Variants in FMN1 observed in about 807,000 individuals in gnomAD.
The protein encoded by FMN1 is formin 1, also known as formin-1.
A neutral mutation model predicts 132.4 loss-of-function variants in FMN1; 110 were observed. The ratio of observed to expected loss-of-function variants is 0.83; its 90% CI spans 0.71 to 0.97. The LOEUF (loss-of-function observed/expected upper bound fraction) is 0.97. Among genes scored for constraint, FMN1 ranks in the 50% least tolerant of loss-of-function variants. FMN1 has a pLI of 0.00. For synonymous variants in FMN1, 722 were observed against 651.7 expected, an observed-to-expected ratio of 1.11 and a Z score of -1.64; for missense variants, 1,792 against 1,705.3, an observed-to-expected ratio of 1.05 and a Z score of -0.90.
At chr15:32,981,895 C>G (rs1347814548) in intron 7 of FMN1, among the ~76,000 whole-genome samples, 1 of 152,028 alleles carries the variant, frequency 6.6e-6, no homozygotes, top group Non-Finnish European at 1.5e-5. Flanking sequence ...AAAAACTGAT[C>G]AATTAGACAG....
intron 6 of FMN1, among the ~76,000 whole-genome samples, chr15:33,025,409 A>G (rs1397246027): frequency 6.6e-6 from 1 of 152,170 alleles, no homozygotes; most frequent in Non-Finnish European, 1.5e-5. Flanking sequence ...TATCACTGAC[A>G]TATTTGCAAA....
chr15:32,897,443 G>A (rs1183221841), intron 15 of FMN1, among the ~76,000 whole-genome samples: 2 of 152,108 alleles, frequency 1.3e-5, no homozygotes, highest in East Asian at 1.9e-4. Context: ...GAGGAGTAAT[G>A]AGAAAAAAAG....
intron 6 of FMN1, among the ~76,000 whole-genome samples, chr15:33,033,340 C>A (rs345876): frequency 0.39 from 59,223 of 151,908 alleles, 11,902 homozygotes; most frequent in Admixed American, 0.48. Context: ...CATCTTCGCT[C>A]TTAACTGATA....
At chr15:32,912,335 G>C (rs546260869) in intron 10 of FMN1, among the ~76,000 whole-genome samples, 1 of 152,190 alleles carries the variant, frequency 6.6e-6, no homozygotes, top group South Asian at 2.1e-4. Context: ...AGAGAGGTTG[G>C]GACTGAGAAC....
chr15:32,959,515 T>A (rs2030257285), intron 9 of FMN1, among the ~76,000 whole-genome samples: 1 of 152,174 alleles, frequency 6.6e-6, no homozygotes, highest in Admixed American at 6.5e-5. Flanking sequence ...AGCTGCATAT[T>A]ACCACAAAGC....
At chr15:33,128,701 C>T (rs753508819) in intron 4 of FMN1, among the ~76,000 whole-genome samples, 6 of 152,180 alleles carry the variant, frequency 3.9e-5, no homozygotes, top group Non-Finnish European at 8.8e-5. Flanking sequence ...AATAAACCCG[C>T]GGACCCTCAC....
intron 3 of FMN1, among the ~76,000 whole-genome samples, chr15:33,162,396 T>C (rs1382943716): frequency 2.0e-5 from 3 of 150,962 alleles, no homozygotes; most frequent in Non-Finnish European, 4.4e-5. Context: ...AAGAGACCTA[T>C]AAGGTATCAA....
rs2036544281 is a variant in FMN1, at chr15:33,043,658, G to GT, written c.2161+21298dup. 2.6e-5 allele frequency among the ~76,000 whole-genome samples: 4 copies of GT among 152,346 alleles called. 1 individual carries two copies. Among genetic ancestry groups the GT allele is most frequent in the Admixed American group, 2.6e-4 (4 of 15,310 alleles). ...CAGGAGTACTGTGTAAACAAGCAAG[G>GT]TACTGATGGCAGCGGCGGCCTATAT... is the stretch of plus-strand genomic sequence containing the variant. On this transcript the variant is annotated intron_variant, in intron 6 of 20. Transcript: ENST00000616417.
intron 9 of FMN1, among the ~76,000 whole-genome samples, chr15:32,934,869 AG>A (rs961319212): frequency 2.0e-5 from 3 of 150,924 alleles, no homozygotes; most frequent in African/African-American, 7.3e-5. Flanking sequence ...GGCCTCTCAA[AG>A]GGCTAGAATT....
At chr15:33,011,466 AATT>A (rs1446715101) in intron 6 of FMN1, among the ~76,000 whole-genome samples, 57 of 152,186 alleles carry the variant, frequency 3.7e-4, no homozygotes, top group African/African-American at 1.3e-3. Context: ...ATTTTATAAT[AATT>A]ATCTTATAAA....
At chr15:32,951,365 C>A (rs904807981) in intron 9 of FMN1, among the ~76,000 whole-genome samples, 1 of 151,914 alleles carries the variant, frequency 6.6e-6, no homozygotes, top group Non-Finnish European at 1.5e-5. Flanking sequence ...TGAAGGAATT[C>A]ATCTCTGAGA....
intron 5 of FMN1, among the ~76,000 whole-genome samples, chr15:33,072,562 C>G (rs2038039909): frequency 6.6e-6 from 1 of 152,194 alleles, no homozygotes; most frequent in Non-Finnish European, 1.5e-5. Flanking sequence ...TTCATTTCTC[C>G]CATCTCACTG....
At chr15:32,932,519 G>A (rs2061147573) in intron 9 of FMN1, among the ~76,000 whole-genome samples, 1 of 152,190 alleles carries the variant, frequency 6.6e-6, no homozygotes, top group Admixed American at 6.5e-5. Flanking sequence ...CTCATAAAAT[G>A]AATTTGGAAG....
chr15:32,820,777 T>C (rs745570957), intron 17 of FMN1, among the ~76,000 whole-genome samples: 14 of 152,192 alleles, frequency 9.2e-5, no homozygotes, highest in African/African-American at 2.9e-4. Flanking sequence ...GCAAATTACA[T>C]AGATTTTGGT....
chr15:33,076,122 G>A (rs534636670), intron 5 of FMN1, among the ~76,000 whole-genome samples: 1 of 152,184 alleles, frequency 6.6e-6, no homozygotes, highest in African/African-American at 2.4e-5. Flanking sequence ...AGGGGGATGA[G>A]GGTTGGTGGG....
At chr15:33,067,220 C>G (rs767010107) in intron 5 of FMN1, 2 of 1,613,444 alleles carry the variant, frequency 1.2e-6, no homozygotes, top group East Asian at 4.5e-5. Flanking sequence ...CTGAAGACCA[C>G]CGTTGCCAGC....
At chr15:32,809,181 C>G (rs9806610) in intron 17 of FMN1, among the ~76,000 whole-genome samples, 20,956 of 152,052 alleles carry the variant, frequency 0.14, 1,430 homozygotes, top group Middle Eastern at 0.16. Flanking sequence ...TAATCTTTGA[C>G]CTGATTAACT....
chr15:33,018,928 C>T (rs530777866), intron 6 of FMN1, among the ~76,000 whole-genome samples: 46 of 152,256 alleles, frequency 3.0e-4, no homozygotes, highest in Non-Finnish European at 5.7e-4. Flanking sequence ...AGCTGCAGAC[C>T]TTCCTGGTGA....
chr15:33,040,062 C>A (rs1401418062), intron 6 of FMN1, among the ~76,000 whole-genome samples: 2 of 152,318 alleles, frequency 1.3e-5, no homozygotes, highest in South Asian at 4.1e-4. Context: ...CCATGGAAGA[C>A]GTGGCACCAT....
Sources: gnomAD v4.1 joint callset for allele counts (sites outside exome capture counted in the v4.1 genomes callset) on GRCh38, gnomAD v4.1.1 for gene constraint, MANE v1.5 for transcripts, NCBI Gene and HGNC (gene_info 2026-07-23, HGNC 2026-07-21) for gene names.